LTBP1: variants seen among roughly 807,000 people sequenced by gnomAD.
The protein encoded by LTBP1 is latent transforming growth factor beta binding protein 1.
A neutral mutation model predicts 207.6 loss-of-function variants in LTBP1; 129 were observed. The ratio of observed to expected loss-of-function variants is 0.62; its 90% confidence interval spans 0.54 to 0.72. The LOEUF is 0.72. LTBP1 is among the 30% of genes least tolerant of loss of function. The pLI, the probability that LTBP1 is intolerant of heterozygous loss-of-function variation, is 0.00. For missense variants in LTBP1, 2,281 were observed against 2,217.2 expected (o/e 1.03, Z -0.58); for synonymous variants, 963 against 833.7 (o/e 1.16, Z -2.67).
intron 2 of LTBP1, among the ~76,000 whole-genome samples, chr2:33,012,539 GTTA>G (rs1387891981): frequency 2.0e-5 from 3 of 152,126 alleles, no homozygotes; most frequent in African/African-American, 7.2e-5. Flanking sequence ...CTACACCTTT[GTTA>G]TTATGACACG....
At chr2:33,386,697 T>C (rs2095268172) in intron 31 of LTBP1, among the ~76,000 whole-genome samples, 1 of 152,170 alleles carries the variant, frequency 6.6e-6, no homozygotes, top group African/African-American at 2.4e-5. Context: ...TGGTAGCTCA[T>C]GCCTGTAGTT....
intron 22 of LTBP1, among the ~76,000 whole-genome samples, chr2:33,302,523 G>C (rs1182142983): frequency 6.6e-6 from 1 of 152,084 alleles, no homozygotes; most frequent in African/African-American, 2.4e-5. Flanking sequence ...AAGATCTATT[G>C]TCATTTACAG....
At chr2:33,163,166 A>G (rs2084609625) in intron 5 of LTBP1, among the ~76,000 whole-genome samples, 1 of 152,158 alleles carries the variant, frequency 6.6e-6, no homozygotes, top group Non-Finnish European at 1.5e-5. Flanking sequence ...TTTTATAGAA[A>G]CAGGGTTTTG....
chr2:33,160,025 C>T (rs1020832558), intron 5 of LTBP1, among the ~76,000 whole-genome samples: 5 of 152,064 alleles, frequency 3.3e-5, no homozygotes, highest in South Asian at 2.1e-4. Flanking sequence ...ATCATAGGCA[C>T]CCGCCACCAC....
intron 5 of LTBP1, among the ~76,000 whole-genome samples, chr2:33,154,119 A>G (rs2083760689): frequency 6.6e-6 from 1 of 152,186 alleles, no homozygotes; most frequent in African/African-American, 2.4e-5. Context: ...ATTAAACTGT[A>G]TTAAATTTTG....
intron 3 of LTBP1, among the ~76,000 whole-genome samples, chr2:33,101,340 A>C (rs1297051451): frequency 6.6e-6 from 1 of 152,362 alleles, no homozygotes; most frequent in East Asian, 1.9e-4. Context: ...GTCTTTGAAT[A>C]GAAATCTAAT....
intron 7 of LTBP1, among the ~76,000 whole-genome samples, chr2:33,189,119 A>G (rs1166369413): frequency 6.6e-6 from 1 of 152,186 alleles, no homozygotes; most frequent in Non-Finnish European, 1.5e-5. Flanking sequence ...TAAAATATTT[A>G]CTGTGTGTCT....
At chr2:33,125,191 C>T (rs1031875166) in intron 4 of LTBP1, among the ~76,000 whole-genome samples, 6 of 152,118 alleles carry the variant, frequency 3.9e-5, no homozygotes, top group Non-Finnish European at 7.4e-5. Flanking sequence ...GGCATTGGGG[C>T]GTATCGAGGA....
intron 10 of LTBP1, among the ~76,000 whole-genome samples, chr2:33,244,856 G>GT (rs1325830778): frequency 7.7e-6 from 1 of 129,948 alleles, no homozygotes; most frequent in Non-Finnish European, 1.6e-5. Context: ...GCAAGTTTTT[G>GT]TTTTTATCTA....
At chr2:33,237,572 T>C (rs1351750871) in intron 9 of LTBP1, among the ~76,000 whole-genome samples, 1 of 152,234 alleles carries the variant, frequency 6.6e-6, no homozygotes, top group Admixed American at 6.5e-5. Flanking sequence ...TTAAATAATT[T>C]CATCAAAACT....
chr2:33,264,210 T>A (rs1246947475), intron 15 of LTBP1, among the ~76,000 whole-genome samples: 1 of 145,974 alleles, frequency 6.9e-6, no homozygotes, highest in Non-Finnish European at 1.5e-5. Context: ...GAGCTAAGAT[T>A]GTGCCACTGC....
intron 5 of LTBP1, among the ~76,000 whole-genome samples, chr2:33,146,132 C>T (rs1383942256): frequency 1.3e-5 from 2 of 152,128 alleles, no homozygotes; most frequent in East Asian, 3.8e-4. Flanking sequence ...TCCTAAAAAT[C>T]GGGTTGGGAT....
In LTBP1 at chr2:33,385,943, G is replaced by A. The variant is rs556682380; in HGVS notation, c.4712-3241G>A. Among the ~76,000 whole-genome samples, 3 of 152,200 alleles carry A rather than the reference G, an allele frequency of 2.0e-5. 1 individual carries two copies. In the South Asian group the frequency reaches 6.2e-4, roughly 32 times the overall value. ...GTTAGAGAAAAGTGAAGCAGCAAAG[G>A]GCAACACGCTCTAGCATTTTAAGAG... On this transcript the variant is annotated intron_variant, in intron 31 of 33. Coordinates refer to ENST00000404816, the MANE Select transcript of LTBP1 (RefSeq NM_206943.4).
intron 4 of LTBP1, among the ~76,000 whole-genome samples, chr2:33,126,661 T>C: frequency 6.6e-6 from 1 of 152,342 alleles, no homozygotes; most frequent in South Asian, 2.1e-4. Flanking sequence ...TCACATAATA[T>C]TGGAGCATAG....
chr2:33,136,502 T>G (rs1336269322), intron 5 of LTBP1, among the ~76,000 whole-genome samples: 1 of 152,218 alleles, frequency 6.6e-6, no homozygotes, highest in Admixed American at 6.5e-5. Flanking sequence ...AAAAAAATTT[T>G]TTTTTTTGGA....
At chr2:33,307,972 G>A (rs1017094896) in intron 22 of LTBP1, among the ~76,000 whole-genome samples, 8 of 152,174 alleles carry the variant, frequency 5.3e-5, no homozygotes, top group South Asian at 4.1e-4. Context: ...ACAGCCGGGC[G>A]TATTAGACAG....
intron 25 of LTBP1, among the ~76,000 whole-genome samples, chr2:33,345,183 C>A (rs1385249259): frequency 6.6e-6 from 1 of 152,216 alleles, no homozygotes; most frequent in Non-Finnish European, 1.5e-5. Flanking sequence ...GCTATTTGCT[C>A]CAGTATCATT....
intron 3 of LTBP1, among the ~76,000 whole-genome samples, chr2:33,023,324 A>G (rs1016082788): frequency 6.6e-6 from 1 of 152,178 alleles, no homozygotes; most frequent in Non-Finnish European, 1.5e-5. Context: ...ATGTATATAT[A>G]TGGATTGTTA....
At chr2:33,343,251 T>A (rs10153624) in intron 25 of LTBP1, among the ~76,000 whole-genome samples, 57,647 of 150,006 alleles carry the variant, frequency 0.38, 14,266 homozygotes, top group African/African-American at 0.72. Context: ...ATAAAAATTT[T>A]AAAAAAAAAA....
Sources: gnomAD v4.1 joint callset for allele counts (sites outside exome capture counted in the v4.1 genomes callset) on GRCh38, gnomAD v4.1.1 for gene constraint, MANE v1.5 for transcripts, NCBI Gene and HGNC (gene_info 2026-07-23, HGNC 2026-07-21) for gene names.